Variants in OR2L13 observed in about 807,000 individuals in gnomAD.
OR2L13 encodes olfactory receptor 2L13.
OR2L13 carries 14 observed loss-of-function variants against 15.3 expected under a neutral mutation model. The ratio of observed to expected loss-of-function variants is 0.91; its 90% confidence interval spans 0.60 to 1.43. The LOEUF (loss-of-function observed/expected upper bound fraction) is 1.43, where lower values mean the gene tolerates loss of function less well. Ranked by LOEUF, OR2L13 falls within the 40% of genes most tolerant of loss-of-function variation. The pLI is 0.00. For missense variants in OR2L13, 367 were observed against 387.9 expected (o/e 0.95, Z 0.45); for synonymous variants, 152 against 142.9 (o/e 1.06, Z -0.45).
At chr1:248,037,856 C>T in the OR2L13 span, among the ~76,000 whole-genome samples, 7 of 152,166 alleles carry the variant, frequency 4.6e-5, no homozygotes, top group Non-Finnish European at 8.8e-5. Flanking sequence ...CATAGCCCAA[C>T]GTCACATCAC....
chr1:248,014,968 T>C, the OR2L13 span, among the ~76,000 whole-genome samples: 1,488 of 152,278 alleles, frequency 9.8e-3, 28 homozygotes, highest in African/African-American at 0.034. Flanking sequence ...GGATACTTCA[T>C]ACTCACTTTC....
At chr1:248,010,763 GTTTTTTTTTTTTT>G in the OR2L13 span, among the ~76,000 whole-genome samples, 3 of 44,464 alleles carry the variant, frequency 6.7e-5, no homozygotes, top group Admixed American at 4.1e-4. Flanking sequence ...CTTTGTTGTT[GTTTTTTTTTTTTT>G]TTTTTTTTTT....
exon 3 of OR2L13, chr1:248,100,306 A>G: frequency 1.3e-5 from 20 of 1,591,150 alleles, no homozygotes; most frequent in Non-Finnish European, 1.6e-5. Flanking sequence ...CTCTTTCCTG[A>G]AAGAATAATC....
the OR2L13 span, chr1:248,038,577 T>A: frequency 1.2e-6 from 2 of 1,614,174 alleles, no homozygotes; most frequent in Admixed American, 1.7e-5. Context: ...TTTCTTCTTC[T>A]TGACTTTAGC....
chr1:248,077,955 C>G, the OR2L13 span, among the ~76,000 whole-genome samples: 8,094 of 151,980 alleles, frequency 0.053, 726 homozygotes, highest in African/African-American at 0.19. Flanking sequence ...AAAAAGTCAA[C>G]AGTGAAAATA....
the OR2L13 span, among the ~76,000 whole-genome samples, chr1:247,976,929 G>A: frequency 5.9e-5 from 9 of 152,252 alleles, no homozygotes; most frequent in East Asian, 3.9e-4. Flanking sequence ...CTTTCACTGC[G>A]TGAATCCTCA....
the OR2L13 span, among the ~76,000 whole-genome samples, chr1:248,059,129 T>C: frequency 1.3e-5 from 2 of 152,188 alleles, no homozygotes; most frequent in Admixed American, 1.3e-4. Context: ...TTTATGAGTA[T>C]GATCATGTGT....
At chr1:248,003,299 C>A in the OR2L13 span, 1 of 1,581,924 alleles carries the variant, frequency 6.3e-7, no homozygotes, top group Admixed American at 1.7e-5. Flanking sequence ...TCTCCACACA[C>A]CCATGTGTTT....
At chr1:248,080,447 G>A in the OR2L13 span, among the ~76,000 whole-genome samples, 7 of 151,522 alleles carry the variant, frequency 4.6e-5, no homozygotes, top group Non-Finnish European at 1.0e-4. Flanking sequence ...CCTCAAAGAG[G>A]CCCCGGTGTG....
chr1:248,095,294 T>A (rs1227333598), upstream of OR2L13: 1 of 152,198 alleles, frequency 6.6e-6, no homozygotes, highest in African/African-American at 2.4e-5. Flanking sequence ...ACACTGCATA[T>A]GCAAACAGGA....
the OR2L13 span, among the ~76,000 whole-genome samples, chr1:247,983,826 T>A: frequency 6.6e-6 from 1 of 152,226 alleles, no homozygotes; most frequent in Admixed American, 6.5e-5. Flanking sequence ...TGACTTTTTC[T>A]TCCAAGCTTA....
chr1:247,996,485 A>G, the OR2L13 span, among the ~76,000 whole-genome samples: 2 of 152,358 alleles, frequency 1.3e-5, no homozygotes, highest in South Asian at 4.1e-4. Flanking sequence ...TTCTTTCAGA[A>G]TAAACCAAGT....
chr1:248,088,087 C>T, the OR2L13 span, among the ~76,000 whole-genome samples: 1 of 152,176 alleles, frequency 6.6e-6, no homozygotes, highest in East Asian at 1.9e-4. Context: ...ATTAATATAG[C>T]AATGTAAACA....
At chr1:248,046,814 G>A in the OR2L13 span, 2 of 152,160 alleles carry the variant, frequency 1.3e-5, no homozygotes, top group East Asian at 3.9e-4. Flanking sequence ...TTGTTTCTAT[G>A]ATGACTGTAG....
At chr1:247,981,961 T>A in the OR2L13 span, among the ~76,000 whole-genome samples, 7 of 151,168 alleles carry the variant, frequency 4.6e-5, no homozygotes, top group African/African-American at 1.5e-4. Flanking sequence ...GACTGCAGGC[T>A]CCCGCCACCA....
chr1:248,092,375 CAT>C (rs940307519), upstream of OR2L13, among the ~76,000 whole-genome samples: 1 of 152,028 alleles, frequency 6.6e-6, no homozygotes, highest in Non-Finnish European at 1.5e-5. Context: ...GAGGCAAAAA[CAT>C]ATAGGACAAC....
the OR2L13 span, chr1:247,949,705 T>C: frequency 1.9e-6 from 3 of 1,613,898 alleles, 1 homozygote; most frequent in South Asian, 3.3e-5. Context: ...CTCACCCCAA[T>C]GCTCAACCCC....
chr1:247,941,739 T>A, the OR2L13 span, among the ~76,000 whole-genome samples: 12 of 152,158 alleles, frequency 7.9e-5, 1 homozygote, highest in Non-Finnish European at 4.4e-5. Flanking sequence ...TAGAACCTAG[T>A]GATGGAGTGT....
At chr1:248,003,153 C>G in the OR2L13 span, 1 of 1,383,796 alleles carries the variant, frequency 7.2e-7, no homozygotes, top group Non-Finnish European at 1.0e-6. Context: ...AATCAAACAT[C>G]AACTGATTTC....
Sources: allele counts gnomAD v4.1 joint callset (sites outside exome capture counted in the v4.1 genomes callset), GRCh38; gene constraint gnomAD v4.1.1; transcripts MANE v1.5; gene names NCBI Gene and HGNC (gene_info 2026-07-23, HGNC 2026-07-21).